Variants in ANO4 observed in about 807,000 individuals in gnomAD.
ANO4 encodes anoctamin-4.
In ANO4, 69 loss-of-function variants were observed where a neutral mutation model predicts 141.9. That is an observed-to-expected ratio of 0.49 (90% confidence interval 0.40 to 0.59). The LOEUF is 0.59. Ranked by LOEUF, ANO4 falls within the 20% of genes least tolerant of loss-of-function variation. ANO4 has a pLI of 0.00. For synonymous variants in ANO4, 350 were observed against 394.3 expected, an observed-to-expected ratio of 0.89 and a Z score of 1.33; for missense variants, 894 against 1,162.2, an observed-to-expected ratio of 0.77 and a Z score of 3.36.
chr12:100,822,963 C>T (rs965096910), intron 1 of ANO4, among the ~76,000 whole-genome samples: 2 of 151,942 alleles, frequency 1.3e-5, no homozygotes, highest in African/African-American at 4.8e-5. Context: ...TCTTTTCCTT[C>T]TCTTTCTGCA....
intron 8 of ANO4, among the ~76,000 whole-genome samples, chr12:100,998,853 A>T (rs1178560097): frequency 6.6e-6 from 1 of 152,232 alleles, no homozygotes; most frequent in Non-Finnish European, 1.5e-5. Flanking sequence ...GAAATTTATT[A>T]TAGGAATATG....
At chr12:101,058,178 G>A (rs2048202697) in intron 14 of ANO4, among the ~76,000 whole-genome samples, 1 of 152,168 alleles carries the variant, frequency 6.6e-6, no homozygotes, top group South Asian at 2.1e-4. Flanking sequence ...TTGTAGAAAT[G>A]TGGCGTTATT....
intron 1 of ANO4, among the ~76,000 whole-genome samples, chr12:100,717,947 C>G (rs1593221486): frequency 6.6e-6 from 1 of 152,178 alleles, no homozygotes; most frequent in East Asian, 1.9e-4. Flanking sequence ...GTTATTTAAA[C>G]TTTTCAGCCT....
intron 1 of ANO4, among the ~76,000 whole-genome samples, chr12:100,821,403 A>G (rs1182976082): frequency 1.3e-5 from 2 of 152,014 alleles, no homozygotes; most frequent in Non-Finnish European, 2.9e-5. Flanking sequence ...CTTAAACTAT[A>G]AAAGCAATAT....
At chr12:100,826,069 G>T (rs573709374) in intron 1 of ANO4, among the ~76,000 whole-genome samples, 6 of 152,060 alleles carry the variant, frequency 3.9e-5, no homozygotes, top group Middle Eastern at 3.4e-3. Flanking sequence ...CTCTTATTAT[G>T]GGCAAGTTAG....
At chr12:100,882,792 G>T (rs12310575) in intron 1 of ANO4, among the ~76,000 whole-genome samples, 2 of 151,960 alleles carry the variant, frequency 1.3e-5, no homozygotes, top group African/African-American at 2.4e-5. Context: ...TCTGCCTCCC[G>T]GGTTCAAGCA....
intron 3 of ANO4, among the ~76,000 whole-genome samples, chr12:100,749,913 T>TA (rs1447080743): frequency 1.3e-5 from 2 of 152,170 alleles, no homozygotes; most frequent in Non-Finnish European, 2.9e-5. Context: ...ATAGCTTCAA[T>TA]AGCACTTCGT....
intron 22 of ANO4, among the ~76,000 whole-genome samples, chr12:101,104,657 ATATATATATATATAAAT>A (rs1566254939): frequency 9.5e-5 from 6 of 63,010 alleles, no homozygotes; most frequent in African/African-American, 4.8e-4. Context: ...ATATATATAT[ATATATATATATATAAAT>A]AAAAAGATTT....
At chr12:101,050,904 C>A (rs919798646) in intron 14 of ANO4, among the ~76,000 whole-genome samples, 1 of 152,138 alleles carries the variant, frequency 6.6e-6, no homozygotes, top group Admixed American at 6.6e-5. Flanking sequence ...ATTTACTGTG[C>A]AATGAGTTAA....
chr12:100,987,813 C>A, intron 8 of ANO4, 143 bp downstream of exon 8: 1 of 1,195,372 alleles, frequency 8.4e-7, no homozygotes, highest in South Asian at 1.5e-5. Flanking sequence ...GTGTTCATAT[C>A]CCTTTTATTT....
intron 3 of ANO4, among the ~76,000 whole-genome samples, chr12:100,781,873 A>G (rs1034048397): frequency 6.6e-6 from 1 of 152,240 alleles, no homozygotes; most frequent in African/African-American, 2.4e-5. Flanking sequence ...TCAGCATGAG[A>G]TAATCAGTAC....
intron 19 of ANO4, among the ~76,000 whole-genome samples, chr12:101,097,115 A>G (rs1176001109): frequency 2.0e-5 from 3 of 152,094 alleles, no homozygotes; most frequent in Non-Finnish European, 4.4e-5. Context: ...AGGATTTGGG[A>G]AAGATTCCCT....
chr12:100,730,604 A>G (rs979240354), intron 1 of ANO4, among the ~76,000 whole-genome samples: 1 of 152,184 alleles, frequency 6.6e-6, no homozygotes, highest in Admixed American at 6.5e-5. Flanking sequence ...CAGCCACAGC[A>G]CTAAACTCTG....
intron 1 of ANO4, among the ~76,000 whole-genome samples, chr12:100,829,916 G>T (rs2036550285): frequency 2.0e-5 from 3 of 152,016 alleles, no homozygotes; most frequent in Admixed American, 1.3e-4. Flanking sequence ...GAGGTCACGT[G>T]TTCACAGTTT....
In ANO4 at chr12:100,756,643, C is replaced by T. The variant is rs139927168; in HGVS notation, c.358+16538C>T. Among the ~76,000 whole-genome samples the T allele has an allele frequency of 2.8e-3, 433 of 152,218 alleles. 2 individuals carry two copies. The highest frequency in any genetic ancestry group is 9.2e-3 in the African/African-American group (383 of 41,530). On this transcript the variant is annotated intron_variant, in intron 3 of 29. Transcript: ENST00000644049. ...GATTACAGGCATGAGCCACTGCGCC[C>T]GGCCTCAACTTGTTTTTTTCACTTG...
intron 3 of ANO4, among the ~76,000 whole-genome samples, chr12:100,741,321 C>T (rs932592995): frequency 3.9e-5 from 6 of 152,146 alleles, no homozygotes; most frequent in East Asian, 1.9e-4. Context: ...AGGTAAGATG[C>T]TGAGGTTGCA....
intron 1 of ANO4, among the ~76,000 whole-genome samples, chr12:100,725,793 C>T (rs2031090247): frequency 6.6e-6 from 1 of 152,182 alleles, no homozygotes; most frequent in South Asian, 2.1e-4. Context: ...AGATGAATAA[C>T]TTAAAACAAT....
intron 3 of ANO4, among the ~76,000 whole-genome samples, chr12:100,759,525 G>A (rs1403472899): frequency 1.3e-5 from 2 of 152,204 alleles, no homozygotes; most frequent in Non-Finnish European, 2.9e-5. Context: ...TGTGGTCAGT[G>A]TGATTGAGCT....
intron 1 of ANO4, among the ~76,000 whole-genome samples, chr12:100,839,256 C>T (rs74355918): frequency 0.034 from 5,183 of 152,098 alleles, 258 homozygotes; most frequent in African/African-American, 0.11. Flanking sequence ...AAGAAAATCT[C>T]GGAGATAATA....
Sources: gnomAD v4.1 joint callset for allele counts (sites outside exome capture counted in the v4.1 genomes callset) on GRCh38, gnomAD v4.1.1 for gene constraint, MANE v1.5 for transcripts, NCBI Gene and HGNC (gene_info 2026-07-23, HGNC 2026-07-21) for gene names.